The following FAM118B variants were observed in gnomAD, a reference collection of about 807,000 sequenced individuals.
The protein encoded by FAM118B is SIR2 antiphage like 1.
A neutral mutation model predicts 38.5 loss-of-function variants in FAM118B; 24 were observed. The ratio of observed to expected loss-of-function variants is 0.62; its 90% CI spans 0.45 to 0.88. The LOEUF (loss-of-function observed/expected upper bound fraction) is 0.88. Among genes scored for constraint, FAM118B ranks in the 40% least tolerant of loss-of-function variants. FAM118B has a pLI of 0.00. For synonymous variants in FAM118B, 138 were observed against 156.3 expected, an observed-to-expected ratio of 0.88 and a Z score of 0.87; for missense variants, 334 against 420.0, an observed-to-expected ratio of 0.80 and a Z score of 1.79.
At chr11:126,237,939 T>G (rs1380388896) in intron 3 of FAM118B, among the ~76,000 whole-genome samples, 1 of 151,984 alleles carries the variant, frequency 6.6e-6, no homozygotes, top group Admixed American at 6.6e-5. Flanking sequence ...CTTCCCATAC[T>G]ATCTCTTATT....
rs1475520473 is a variant in FAM118B at position 126,227,927 on chromosome 11, G to A, written c.-76-1298G>A. 3.3e-5 allele frequency among the ~76,000 whole-genome samples: 5 copies of A among 151,500 alleles called. No homozygotes were observed. In the South Asian group the frequency reaches 8.4e-4, roughly 25 times the overall value. ...TGATCCTCCCAACTCAGCCTCCCGA[G>A]TAGCTGGAACTATAGGCATGCACTA... On this transcript the variant is annotated intron_variant, in intron 1 of 8. Coordinates refer to ENST00000533050, the MANE Select transcript of FAM118B (RefSeq NM_024556.4).
At chr11:126,232,347 C>T (rs1329343322) in intron 2 of FAM118B, among the ~76,000 whole-genome samples, 1 of 152,094 alleles carries the variant, frequency 6.6e-6, no homozygotes, top group Non-Finnish European at 1.5e-5. Context: ...CTTTCTGTGC[C>T]TCAGTTTTCT....
At chr11:126,249,430 G>A (rs1242184848) in intron 4 of FAM118B, among the ~76,000 whole-genome samples, 1 of 151,856 alleles carries the variant, frequency 6.6e-6, no homozygotes, top group Non-Finnish European at 1.5e-5. Flanking sequence ...AAACACCTAG[G>A]ATTAGAAAAG....
At position 126,256,257 on chromosome 11, in the gene FAM118B, C is replaced by A. The variant is rs1235006714; in HGVS notation, c.697-310C>A. ...CTCTAGCCCAGGTGAAAGAGTGAGA[C>A]TCCGTCTCAAAAAATATATAAAGCA... On this transcript the variant is annotated intron_variant, in intron 6 of 8. Coordinates refer to ENST00000533050, the MANE Select transcript of FAM118B (RefSeq NM_024556.4). The surrounding 1 kb of genome is among the most constrained non-coding windows in gnomAD (Gnocchi z 6.6). Among the ~76,000 whole-genome samples the A allele has an allele frequency of 6.6e-6, 1 of 152,182 alleles. No homozygotes were observed. Among genetic ancestry groups the A allele is most frequent in the African/African-American group, 2.4e-5 (1 of 41,436 alleles).
chr11:126,217,271 T>A (rs748614139), intron 1 of FAM118B, among the ~76,000 whole-genome samples: 21 of 152,200 alleles, frequency 1.4e-4, no homozygotes, highest in Admixed American at 2.6e-4. Flanking sequence ...TCTTTCTTGG[T>A]TTTCCCCTCA....
At chr11:126,251,579 C>G (rs1376525953) in intron 5 of FAM118B, among the ~76,000 whole-genome samples, 1 of 152,200 alleles carries the variant, frequency 6.6e-6, no homozygotes, top group Non-Finnish European at 1.5e-5. Flanking sequence ...CCCTCATATT[C>G]TGTATGGTCA....
intron 1 of FAM118B, among the ~76,000 whole-genome samples, chr11:126,216,573 C>G (rs1949981698): frequency 6.6e-6 from 1 of 152,144 alleles, no homozygotes; most frequent in African/African-American, 2.4e-5. Flanking sequence ...TTTCTGGTCA[C>G]AAAAACATAC....
intron 4 of FAM118B, among the ~76,000 whole-genome samples, chr11:126,245,472 A>T (rs1950407300): frequency 6.6e-6 from 1 of 152,058 alleles, no homozygotes; most frequent in African/African-American, 2.4e-5. Context: ...AACAGAAGAA[A>T]ACTAGATAAA....
intron 2 of FAM118B, among the ~76,000 whole-genome samples, chr11:126,230,818 AGCTT>A (rs1950198971): frequency 6.6e-6 from 1 of 152,208 alleles, no homozygotes; most frequent in Non-Finnish European, 1.5e-5. Context: ...GGAAGCCCAG[AGCTT>A]GCTATCTTTT....
intron 1 of FAM118B, among the ~76,000 whole-genome samples, chr11:126,219,117 T>G (rs1329524006): frequency 6.6e-6 from 1 of 152,178 alleles, no homozygotes; most frequent in Non-Finnish European, 1.5e-5. Flanking sequence ...AATGCTTATC[T>G]CCTGCACCTC....
At chr11:126,223,322 C>T (rs10790794) in intron 1 of FAM118B, among the ~76,000 whole-genome samples, 27,632 of 152,070 alleles carry the variant, frequency 0.18, 2,774 homozygotes, top group Middle Eastern at 0.32. Context: ...TTGCTGGGGC[C>T]GGGTGTGGTG....
intron 2 of FAM118B, chr11:126,233,440 G>A (rs1244246785): frequency 8.9e-6 from 2 of 224,154 alleles, no homozygotes; most frequent in Non-Finnish European, 1.8e-5. Flanking sequence ...AGCCGAGATT[G>A]CGCCAGTGCA....
chr11:126,261,076 T>C, intron 7 of FAM118B: 1 of 205,448 alleles, frequency 4.9e-6, no homozygotes, highest in Non-Finnish European at 9.9e-6. Context: ...CATTTGCCCA[T>C]CCCTGGTGAG....
chr11:126,250,484 CT>C lies in FAM118B; in HGVS notation c.340-16del. On this transcript the variant is annotated intron_variant, in intron 4 of 8. Transcript: ENST00000533050. The surrounding 1 kb of genome is among the most constrained non-coding windows in gnomAD (Gnocchi z 5.1). The stretch of plus-strand genomic sequence containing the variant: ...TACCAAAGCACTTTGGACTAATTTT[CT>C]TTTTTCAAATCCCTCCTCAGCGTAC... The C allele has an allele frequency of 6.4e-7, 1 of 1,569,140 alleles. No homozygotes were observed. Among genetic ancestry groups the C allele is most frequent in the Non-Finnish European group, 8.8e-7 (1 of 1,141,966 alleles).
At chr11:126,211,773 A>G, upstream of FAM118B, 1 of 997,386 alleles carries the variant, frequency 1.0e-6, no homozygotes, top group South Asian at 1.6e-5. Context: ...GTGCGCGCTC[A>G]GTGCGGCTGC....
intron 4 of FAM118B, among the ~76,000 whole-genome samples, chr11:126,247,963 ACACT>A (rs1304571976): frequency 6.9e-6 from 1 of 145,112 alleles, no homozygotes; most frequent in African/African-American, 2.5e-5. Flanking sequence ...TCACAGACAC[ACACT>A]ATCAATACAT....
At chr11:126,212,424 A>G (rs1465241907) in intron 1 of FAM118B, among the ~76,000 whole-genome samples, 7 of 152,050 alleles carry the variant, frequency 4.6e-5, no homozygotes, top group African/African-American at 9.7e-5. Context: ...ATAGTTTGCA[A>G]CCACACCATA....
chr11:126,224,794 G>C (rs899214713), intron 1 of FAM118B, among the ~76,000 whole-genome samples: 1 of 152,186 alleles, frequency 6.6e-6, no homozygotes, highest in African/African-American at 2.4e-5. Flanking sequence ...GGGAGGGTAT[G>C]TGAGAATATC....
At chr11:126,243,644 C>G (rs1224120942) in intron 4 of FAM118B, among the ~76,000 whole-genome samples, 1 of 152,060 alleles carries the variant, frequency 6.6e-6, no homozygotes, top group Non-Finnish European at 1.5e-5. Flanking sequence ...TGGCTCACAC[C>G]TGTAATCCTA....
Sources: gnomAD v4.1 joint callset for allele counts (sites outside exome capture counted in the v4.1 genomes callset) on GRCh38, gnomAD v4.1.1 for gene constraint, Gnocchi (gnomAD v3.1) non-coding constraint, MANE v1.5 for transcripts, NCBI Gene and HGNC (gene_info 2026-07-23, HGNC 2026-07-21) for gene names.